EVC: variants seen among roughly 807,000 people sequenced by gnomAD.
The protein encoded by EVC is EvC ciliary complex subunit 1.
In EVC, 116 loss-of-function variants were observed where a neutral mutation model predicts 118.9. That is an observed-to-expected ratio of 0.98 (90% CI 0.84 to 1.14). The LOEUF is 1.14. Among genes scored for constraint, EVC ranks in the 50% most tolerant of loss-of-function variants. EVC has a pLI of 0.00. For missense variants in EVC, 1,401 were observed against 1,246.4 expected, an observed-to-expected ratio of 1.12 and a Z score of -1.87; for synonymous variants, 619 against 534.7, an observed-to-expected ratio of 1.16 and a Z score of -2.18.
chr4:5,749,340 G>A lies in EVC; in HGVS notation c.1098+1034G>A, dbSNP rs1423539225. Among the ~76,000 whole-genome samples, 2 of 119,216 alleles carry A rather than the reference G, an allele frequency of 1.7e-5. No homozygotes were observed. Among genetic ancestry groups the A allele is most frequent in the South Asian group, 2.7e-4 (1 of 3,672 alleles). The allele number at this position is 119,216 out of a possible 152,430, so 78.2% of individuals were successfully genotyped here. On this transcript the variant is annotated intron_variant, in intron 8 of 20. Transcript: ENST00000264956. The surrounding 1 kb of genome is among the most constrained non-coding windows in gnomAD (Gnocchi z 4.4). ...TTAACACTAACGATAGCTGATGAGC[G>A]GAAAAAAAAAAAAAAAAAAAGGTCC...
intron 1 of EVC, among the ~76,000 whole-genome samples, chr4:5,714,452 A>C (rs1482825626): frequency 1.3e-5 from 2 of 150,338 alleles, no homozygotes; most frequent in Non-Finnish European, 3.0e-5. Context: ...TTGGGAATTT[A>C]CTTCCCATTT....
intron 15 of EVC, among the ~76,000 whole-genome samples, chr4:5,801,540 C>A (rs1362062748): frequency 6.6e-6 from 1 of 152,048 alleles, no homozygotes; most frequent in East Asian, 1.9e-4. Context: ...ATTAGCCAGG[C>A]CTGGTGGTGC....
chr4:5,816,018 C>G (rs1240459227), downstream of EVC, among the ~76,000 whole-genome samples: 2 of 146,024 alleles, frequency 1.4e-5, no homozygotes, highest in East Asian at 3.9e-4. Flanking sequence ...TACTATTTTC[C>G]CCCCATGGCT....
intron 11 of EVC, among the ~76,000 whole-genome samples, chr4:5,771,883 T>C (rs919121050): frequency 7.5e-6 from 1 of 133,624 alleles, no homozygotes; most frequent in African/African-American, 3.1e-5. Flanking sequence ...TGTGGCTTTT[T>C]ATTTTATTTT....
At chr4:5,729,460 G>C (rs542798399) in intron 3 of EVC, 70 bp downstream of exon 3, 2 of 1,420,716 alleles carry the variant, frequency 1.4e-6, no homozygotes, top group African/African-American at 1.4e-5. Context: ...GGAGGAAAGT[G>C]GGGGGATTAA....
In EVC at chr4:5,749,245, G is replaced by A. The variant is rs1360223065; in HGVS notation, c.1098+939G>A. 1.3e-5 allele frequency among the ~76,000 whole-genome samples: 2 copies of A among 150,906 alleles called. No homozygotes were observed. The highest frequency in any genetic ancestry group is 2.4e-5 in the African/African-American group (1 of 40,908). On this transcript the variant is annotated intron_variant, in intron 8 of 20. Transcript: ENST00000264956. The surrounding 1 kb of genome is among the most constrained non-coding windows in gnomAD (Gnocchi z 4.4). ...GGATACAAACCCCTGGTGCATGGGT[G>A]TCCAACCTTTTGGCTTCCCTGGGCC...
At position 5,748,430 on chromosome 4, in the gene EVC, A is replaced by G. The variant is rs143034379; in HGVS notation, c.1098+124A>G. 1,093 of 959,954 alleles carry G rather than the reference A, an allele frequency of 1.1e-3. 3 individuals are homozygous for G. The highest frequency in any genetic ancestry group is 1.7e-3 in the Admixed American group (63 of 36,838). 59.5% of individuals were successfully genotyped at this position (959,954 alleles called of 1,614,324 possible). On this transcript the variant is annotated intron_variant, in intron 8 of 20. Transcript: ENST00000264956. The stretch of plus-strand genomic sequence containing the variant: ...AGCTGGTTATATAGAGCCTCAGGGA[A>G]AAAAAAACCAACAACAACAGTAAAT...
At chr4:5,716,984 T>G (rs1724065654) in intron 1 of EVC, among the ~76,000 whole-genome samples, 1 of 151,794 alleles carries the variant, frequency 6.6e-6, no homozygotes. Context: ...TGAAAGTCAT[T>G]TGTCATCCAC....
intron 11 of EVC, among the ~76,000 whole-genome samples, chr4:5,767,387 C>A (rs188736297): frequency 0.12 from 14,051 of 113,414 alleles, 1,147 homozygotes; most frequent in Middle Eastern, 0.17. Flanking sequence ...GATGGAACCT[C>A]CAGAGGCAGG....
chr4:5,767,322 T>A (rs1733065630), intron 11 of EVC, among the ~76,000 whole-genome samples: 1 of 138,456 alleles, frequency 7.2e-6, no homozygotes, highest in African/African-American at 2.5e-5. Flanking sequence ...ACAGGGACAT[T>A]TAAGTCTGCA....
rs562588893 is a variant in EVC, at chr4:5,804,234, G to A, written c.2450-496G>A. Among the ~76,000 whole-genome samples the A allele has an allele frequency of 3.7e-4, 56 of 152,204 alleles. No homozygotes were observed. In the South Asian group the frequency reaches 1.0e-2, roughly 27 times the overall value. On this transcript the variant is annotated intron_variant, in intron 16 of 20. Coordinates refer to ENST00000264956, the MANE Select transcript of EVC (RefSeq NM_153717.3). ...ATTACAAGCGTGAGCCACCTCGCCC[G>A]GCCTCACTTTACTTTTAAAGCTTTT...
intron 12 of EVC, among the ~76,000 whole-genome samples, chr4:5,788,193 A>C (rs1267754627): frequency 2.6e-5 from 4 of 152,152 alleles, no homozygotes; most frequent in African/African-American, 7.2e-5. Context: ...TAGAAGCTTA[A>C]AACAACATGC....
intron 3 of EVC, among the ~76,000 whole-genome samples, chr4:5,730,453 C>T (rs1024485877): frequency 1.1e-4 from 16 of 148,548 alleles, no homozygotes; most frequent in African/African-American, 3.7e-4. Flanking sequence ...CATTGGGAAC[C>T]ACATCCTTCA....
chr4:5,748,002 T>C, intron 7 of EVC, 146 bp from the exon 8 acceptor site: 1 of 912,018 alleles, frequency 1.1e-6, no homozygotes, highest in Non-Finnish European at 1.7e-6. Flanking sequence ...ACGTGATTGT[T>C]GCCAAGATAA....
At chr4:5,787,109 G>T (rs1711809569) in intron 12 of EVC, among the ~76,000 whole-genome samples, 1 of 152,150 alleles carries the variant, frequency 6.6e-6, no homozygotes, top group African/African-American at 2.4e-5. Flanking sequence ...ATTGCTCAGG[G>T]AAGTTATTAA....
At chr4:5,783,803 T>A in intron 12 of EVC, 39 bp downstream of exon 12, 1 of 1,552,504 alleles carries the variant, frequency 6.4e-7, no homozygotes, top group Non-Finnish European at 8.8e-7. Flanking sequence ...GGGTCTGCAT[T>A]TTAGAAACAC....
intron 15 of EVC, among the ~76,000 whole-genome samples, chr4:5,799,146 GAA>G (rs905539393): frequency 7.2e-5 from 11 of 152,152 alleles, no homozygotes; most frequent in African/African-American, 2.7e-4. Flanking sequence ...CCCTCTCTCA[GAA>G]AGAGAGACGT....
At chr4:5,792,848 A>C (rs1162799226) in intron 12 of EVC, among the ~76,000 whole-genome samples, 3 of 152,186 alleles carry the variant, frequency 2.0e-5, no homozygotes, top group Non-Finnish European at 4.4e-5. Flanking sequence ...TAAGTTGACC[A>C]ATGTGTATAA....
chr4:5,796,775 G>A (rs113717785), intron 13 of EVC, among the ~76,000 whole-genome samples: 13 of 151,922 alleles, frequency 8.6e-5, no homozygotes, highest in Middle Eastern at 3.4e-3. Flanking sequence ...GCATACCATA[G>A]GCTGCTGTAC....
Sources: allele counts gnomAD v4.1 joint callset (sites outside exome capture counted in the v4.1 genomes callset), GRCh38; gene constraint gnomAD v4.1.1; non-coding constraint Gnocchi (gnomAD v3.1); transcripts MANE v1.5; gene names NCBI Gene and HGNC (gene_info 2026-07-23, HGNC 2026-07-21).